The following SV2B variants were observed in gnomAD, a reference collection of about 807,000 sequenced individuals.
The protein encoded by SV2B is synaptic vesicle glycoprotein 2B.
A neutral mutation model predicts 73.9 loss-of-function variants in SV2B; 41 were observed. The ratio of observed to expected loss-of-function variants is 0.56; its 90% CI spans 0.43 to 0.72. The LOEUF (loss-of-function observed/expected upper bound fraction) is 0.72. Among genes scored for constraint, SV2B ranks in the 30% least tolerant of loss-of-function variants. The probability of loss-of-function intolerance (pLI) is 0.00; values close to 1 mark genes in which losing one functional copy is unlikely to be tolerated. For synonymous variants in SV2B, 314 were observed against 314.2 expected (o/e 1.00, Z 0.01); for missense variants, 764 against 857.8 (o/e 0.89, Z 1.37).
At position 91,198,020 on chromosome 15, in the gene SV2B, G is replaced by A. The variant is rs543775891; in HGVS notation, c.-391-27853G>A. 7.1e-4 allele frequency among the ~76,000 whole-genome samples: 108 copies of A among 152,296 alleles called. 1 individual carries two copies. The highest frequency in any genetic ancestry group is 2.3e-3 in the South Asian group (11 of 4,816). Reference sequence around the variant, plus strand: ...ATTACACTACAGCCTGGGCAACAGAGCGAGAGTCCGTCTCAAAACAAACAA... The same window carrying A: ...ATTACACTACAGCCTGGGCAACAGAACGAGAGTCCGTCTCAAAACAAACAA... On this transcript the variant is annotated intron_variant, in intron 1 of 12. Transcript: ENST00000394232.
chr15:91,104,819 A>G (rs1010668303), intron 1 of SV2B, among the ~76,000 whole-genome samples: 4 of 152,034 alleles, frequency 2.6e-5, no homozygotes, highest in African/African-American at 9.7e-5. Flanking sequence ...TTTAGTAGAG[A>G]TGGGGTTTCT....
intron 1 of SV2B, among the ~76,000 whole-genome samples, chr15:91,201,631 C>A (rs1307158116): frequency 1.3e-5 from 2 of 152,228 alleles, no homozygotes; most frequent in Non-Finnish European, 2.9e-5. Flanking sequence ...TTCCCACAGG[C>A]CTTTTCATCT....
Position 91,207,165 on chromosome 15 carries a change from GC to G in SV2B, c.-391-18707del, listed in dbSNP as rs1390573620. ...GCCTCCCAAATAGCTGGGACTACAG[GC>G]ACACGCCATTATGCCTGGCTTTTTT... On this transcript the variant is annotated intron_variant, in intron 1 of 12. Transcript: ENST00000394232. Among the ~76,000 whole-genome samples, 7 of 149,678 alleles carry G rather than the reference GC, an allele frequency of 4.7e-5. No homozygotes were observed. The East Asian group carries it at 1.4e-3, about 29-fold the overall frequency.
chr15:91,106,619 T>A lies in SV2B; in HGVS notation c.-392+6256T>A, dbSNP rs909921650. On this transcript the variant is annotated intron_variant, in intron 1 of 12. Coordinates refer to ENST00000394232, the MANE Select transcript of SV2B (RefSeq NM_001323032.3). The surrounding 1 kb of genome is among the most constrained non-coding windows in gnomAD (Gnocchi z 4.4). ...CTTATATCATACGGAAAGCAACGTG[T>A]GGTGACAAGAAAGAAAGAGGAACAA... Among the ~76,000 whole-genome samples, 1 of 152,122 alleles carries A rather than the reference T, an allele frequency of 6.6e-6. No homozygotes were observed. The highest frequency in any genetic ancestry group is 2.4e-5 in the African/African-American group (1 of 41,426).
chr15:91,191,610 T>A (rs1257459463), intron 1 of SV2B, among the ~76,000 whole-genome samples: 1 of 152,242 alleles, frequency 6.6e-6, no homozygotes, highest in Non-Finnish European at 1.5e-5. Flanking sequence ...AACTCAGCTC[T>A]GTATTGAAGT....
intron 1 of SV2B, among the ~76,000 whole-genome samples, chr15:91,188,586 A>C (rs2044872789): frequency 6.6e-6 from 1 of 152,130 alleles, no homozygotes; most frequent in South Asian, 2.1e-4. Context: ...AAGTGCTGGG[A>C]TTACAGGCGT....
chr15:91,138,816 C>T (rs1047324318), intron 1 of SV2B, among the ~76,000 whole-genome samples: 3 of 152,142 alleles, frequency 2.0e-5, no homozygotes, highest in African/African-American at 4.8e-5. Flanking sequence ...ACCAATCCCT[C>T]ACGGTTACTG....
At chr15:91,109,066 C>G (rs1596410928) in intron 1 of SV2B, among the ~76,000 whole-genome samples, 1 of 152,182 alleles carries the variant, frequency 6.6e-6, no homozygotes, top group South Asian at 2.1e-4. Flanking sequence ...CTGTCTAGCC[C>G]CTCAGAACTG....
chr15:91,276,007 T>C (rs2048473179), intron 9 of SV2B, among the ~76,000 whole-genome samples: 1 of 152,072 alleles, frequency 6.6e-6, no homozygotes, highest in Admixed American at 6.5e-5. Context: ...CTGATGGATC[T>C]GTTTCTTCTC....
Position 91,100,283 on chromosome 15 carries a change from C to T in SV2B, c.-472C>T, listed in dbSNP as rs1310252416. ...CCCGGATCGCCCAGCTCCGCGTTAG[C>T]CGGAGCTGCACGCGGGGCTGCCGGG... On this transcript the variant is annotated 5_prime_UTR_variant, in exon 1 of 13. Coordinates refer to ENST00000394232, the MANE Select transcript of SV2B (RefSeq NM_001323032.3). This position sits in a 1 kb window ranked among gnomAD's most constrained non-coding sequence, Gnocchi z 6.4. The T allele has an allele frequency of 6.6e-6, 1 of 152,202 alleles. No homozygotes were observed. The highest frequency in any genetic ancestry group is 1.5e-5 in the Non-Finnish European group (1 of 68,032). The allele number at this position is 152,202 out of a possible 1,614,324, so 9.4% of individuals were successfully genotyped here.
At chr15:91,247,948 CTT>C (rs1180984240) in intron 2 of SV2B, among the ~76,000 whole-genome samples, 5 of 152,054 alleles carry the variant, frequency 3.3e-5, no homozygotes, top group African/African-American at 1.2e-4. Flanking sequence ...TTAAGGATAT[CTT>C]TATTATTATT....
At chr15:91,198,455 A>ATGTG (rs5814467) in intron 1 of SV2B, among the ~76,000 whole-genome samples, 19,429 of 136,670 alleles carry the variant, frequency 0.14, 1,767 homozygotes, top group African/African-American at 0.25. Flanking sequence ...AAGCACGTGT[A>ATGTG]TGTGTGTGTG....
rs563792625 is a variant in SV2B, at chr15:91,128,461, C to G, written c.-392+28098C>G. Among the ~76,000 whole-genome samples, 1 of 152,278 alleles carries G rather than the reference C, an allele frequency of 6.6e-6. No individual in the cohort carries two copies. Among genetic ancestry groups the G allele is most frequent in the Admixed American group, 6.5e-5 (1 of 15,304 alleles). ...TATGAGATCCCTACATTGCTATTGG[C>G]GCTCAGAAAACAATATCCAAAAATG... On this transcript the variant is annotated intron_variant, in intron 1 of 12. Transcript: ENST00000394232. This position sits in a 1 kb window ranked among gnomAD's most constrained non-coding sequence, Gnocchi z 4.2.
At chr15:91,286,262 C>T (rs1179988796) in intron 11 of SV2B, among the ~76,000 whole-genome samples, 1 of 152,238 alleles carries the variant, frequency 6.6e-6, no homozygotes, top group African/African-American at 2.4e-5. Context: ...TGGGATGTGG[C>T]GGAACCACTT....
intron 2 of SV2B, among the ~76,000 whole-genome samples, chr15:91,235,005 G>A (rs898921610): frequency 6.6e-5 from 10 of 152,178 alleles, no homozygotes; most frequent in Admixed American, 2.0e-4. Flanking sequence ...GGGTCCTCAA[G>A]CTTGTTCTGT....
In SV2B at chr15:91,239,271, A is replaced by G. The variant is rs376718710; in HGVS notation, c.452-12548A>G. ...TTTGCTGACTCAGAGGCATTCATCA[A>G]TCTCTGCTGGGGATGTGCAGAAAAT... On this transcript the variant is annotated intron_variant, in intron 2 of 12. Transcript: ENST00000394232. This position sits in a 1 kb window ranked among gnomAD's most constrained non-coding sequence, Gnocchi z 5.1. 1.7e-4 allele frequency among the ~76,000 whole-genome samples: 25 copies of G among 151,302 alleles called. No individual in the cohort carries two copies. The highest frequency in any genetic ancestry group is 5.3e-4 in the African/African-American group (22 of 41,236).
chr15:91,193,284 T>C (rs749203228), intron 1 of SV2B, among the ~76,000 whole-genome samples: 12 of 152,214 alleles, frequency 7.9e-5, no homozygotes, highest in Non-Finnish European at 1.2e-4. Flanking sequence ...CAGCACATAG[T>C]AGTACGTCAA....
rs1567269534 is a variant in SV2B at position 91,122,665 on chromosome 15, G to A, written c.-392+22302G>A. 6.6e-6 allele frequency among the ~76,000 whole-genome samples: 1 copy of A among 152,158 alleles called. No homozygotes were observed. Among genetic ancestry groups the A allele is most frequent in the African/African-American group, 2.4e-5 (1 of 41,426 alleles). On this transcript the variant is annotated intron_variant, in intron 1 of 12. Coordinates refer to ENST00000394232, the MANE Select transcript of SV2B (RefSeq NM_001323032.3). The surrounding 1 kb of genome is among the most constrained non-coding windows in gnomAD (Gnocchi z 4.3). Reference sequence around the variant, plus strand: ...TGGGGCTCATCTTCCCCAATCATTTGTCTGTTCTTAGTCCTGTACTTTCCA... The same window carrying A: ...TGGGGCTCATCTTCCCCAATCATTTATCTGTTCTTAGTCCTGTACTTTCCA...
At chr15:91,158,724 C>CTCTTT (rs2043601090) in intron 1 of SV2B, among the ~76,000 whole-genome samples, 1 of 56,640 alleles carries the variant, frequency 1.8e-5, no homozygotes, top group Non-Finnish European at 3.7e-5. Context: ...CTCTCCTCTC[C>CTCTTT]TCTCTTCTCC....
Sources: gnomAD v4.1 joint callset for allele counts (sites outside exome capture counted in the v4.1 genomes callset) on GRCh38, gnomAD v4.1.1 for gene constraint, Gnocchi (gnomAD v3.1) non-coding constraint, MANE v1.5 for transcripts, NCBI Gene and HGNC (gene_info 2026-07-23, HGNC 2026-07-21) for gene names.